The following NEMF variants were observed in gnomAD, a reference collection of about 807,000 sequenced individuals.
The protein encoded by NEMF is ribosome quality control complex subunit NEMF.
NEMF carries 89 observed loss-of-function variants against 162.2 expected under a neutral mutation model. The ratio of observed to expected loss-of-function variants is 0.55; its 90% confidence interval spans 0.46 to 0.65. NEMF has a LOEUF of 0.65. NEMF is among the 30% of genes least tolerant of loss of function. The pLI is 0.00. For missense variants in NEMF, 1,133 were observed against 1,261.9 expected (o/e 0.90, Z 1.55); for synonymous variants, 421 against 404.5 (o/e 1.04, Z -0.49).
intron 4 of NEMF, among the ~76,000 whole-genome samples, chr14:49,845,531 T>C (rs1165045159): frequency 6.6e-6 from 1 of 152,266 alleles, no homozygotes; most frequent in African/African-American, 2.4e-5. Context: ...TTTTTGACTC[T>C]TGTAATAACA....
In NEMF at chr14:49,851,870, A is replaced by T; in HGVS notation, c.65T>A (p.Leu22Gln). 1 of 1,572,476 alleles carries T rather than the reference A, an allele frequency of 6.4e-7. No individual in the cohort carries two copies. The highest frequency in any genetic ancestry group is 8.7e-7 in the Non-Finnish European group (1 of 1,152,914). Residue 22 changes from leucine to glutamine, a missense_variant, in exon 2 of 33, where the codon CTA becomes CAA. Physicochemically the swap from Leu to Gln is moderately radical, Grantham distance 113 (BLOSUM62 -2). This residue lies in a region of NEMF where 582 missense variants were observed against 631.5 expected (regional missense o/e 0.92). Coordinates refer to ENST00000298310, the MANE Select transcript of NEMF (RefSeq NM_004713.6). ...AVLAELNASL[L>Q]GMRVNNVYDV... The stretch of plus-strand genomic sequence containing the variant: ...ATAAACATTGTTTACTCTCATTCCT[A>T]GCAAGCTGCAAAGATAAAGGAAACA...
At position 49,800,863 on chromosome 14, in the gene NEMF, TGTATCATGAATA is replaced by T. The variant is rs1890921976; in HGVS notation, c.2096-179_2096-168del. 3 of 620,902 alleles carry T rather than the reference TGTATCATGAATA, an allele frequency of 4.8e-6. No individual in the cohort carries two copies. The South Asian group carries it at 6.2e-5, about 13-fold the overall frequency. The allele number at this position is 620,902 out of a possible 1,614,324, so 38.5% of individuals were successfully genotyped here. On this transcript the variant is annotated intron_variant, in intron 22 of 32. Transcript: ENST00000298310. ...GGTACTCTTAGACAAAAGAATAACC[TGTATCATGAATA>T]GGTTGAACTAAATGATCTCCAAGAT...
rs572907976 is a variant in NEMF, at chr14:49,843,477, G to C, written c.358-2611C>G. 8.6e-4 allele frequency among the ~76,000 whole-genome samples: 131 copies of C among 152,226 alleles called. 1 individual carries two copies. The highest frequency in any genetic ancestry group is 3.0e-3 in the African/African-American group (126 of 41,526). The stretch of plus-strand genomic sequence containing the variant: ...CCACTGAATTCCAGCCTGGCCAACA[G>C]AGCAAGACTCTATCTCAAAAAAATA... On this transcript the variant is annotated intron_variant, in intron 4 of 32. Coordinates refer to ENST00000298310, the MANE Select transcript of NEMF (RefSeq NM_004713.6).
chr14:49,842,002 G>T (rs887387235), intron 4 of NEMF, among the ~76,000 whole-genome samples: 5 of 152,076 alleles, frequency 3.3e-5, no homozygotes, highest in African/African-American at 1.2e-4. Context: ...CTACTCAGGA[G>T]GCTGAGGCAG....
At chr14:49,842,104 T>C (rs1305709357) in intron 4 of NEMF, among the ~76,000 whole-genome samples, 2 of 140,662 alleles carry the variant, frequency 1.4e-5, no homozygotes, top group Non-Finnish European at 3.1e-5. Context: ...AAACTCCGTC[T>C]CAAAAAAAAA....
intron 7 of NEMF, 159 bp downstream of exon 7, chr14:49,834,204 C>T: frequency 1.6e-6 from 1 of 608,072 alleles, no homozygotes; most frequent in Non-Finnish European, 3.0e-6. Context: ...GATCCTCCCA[C>T]CTTAGCCTCC....
intron 25 of NEMF, chr14:49,797,389 T>TA (rs1373459742): frequency 6.6e-6 from 1 of 151,010 alleles, no homozygotes; most frequent in Admixed American, 6.6e-5. Flanking sequence ...TCCAGCACTT[T>TA]GGGAGGCCAA....
rs754305762 is a variant in NEMF, at chr14:49,782,634, T to G, written c.*2002A>C. On this transcript the variant is annotated 3_prime_UTR_variant, in exon 33 of 33. Transcript: ENST00000298310. ...ACTTGGCACTTAGATTATTTAAAAT[T>G]GTGTTTCCTAAGACTTAGCACTCTC... The G allele has an allele frequency of 2.0e-6, 3 of 1,533,728 alleles. No homozygotes were observed. Among genetic ancestry groups the G allele is most frequent in the Non-Finnish European group, 2.7e-6 (3 of 1,123,766 alleles).
At chr14:49,832,340 T>C in intron 8 of NEMF, 63 bp from the exon 9 acceptor site, 1 of 1,229,356 alleles carries the variant, frequency 8.1e-7, no homozygotes, top group Admixed American at 2.0e-5. Context: ...CTTCTTTTTT[T>C]TTTTTTTGAT....
Position 49,789,554 on chromosome 14 carries a change from T to C in NEMF, c.2639A>G (p.Lys880Arg). The C allele has an allele frequency of 1.2e-6, 2 of 1,609,908 alleles. No homozygotes were observed. The highest frequency in any genetic ancestry group is 1.7e-6 in the Non-Finnish European group (2 of 1,179,102). Residue 880 changes from lysine to arginine, a missense_variant, in exon 27 of 33, where the codon AAA becomes AGA. Lys to Arg is a conservative substitution (Grantham distance 26). Transcript: ENST00000298310. ...RGQKSKMKKM[K>R]EKYKDQDEED... ...TTCATCCTGGTCTTTGTATTTTTCT[T>C]TCATTTTTTTCATTTTACTCTACAA...
intron 6 of NEMF, among the ~76,000 whole-genome samples, chr14:49,836,774 A>C (rs535182683): frequency 6.6e-6 from 1 of 152,360 alleles, no homozygotes; most frequent in African/African-American, 2.4e-5. Context: ...TTGAGATTTC[A>C]GATTTTTTCA....
intron 22 of NEMF, 110 bp downstream of exon 22, chr14:49,802,342 GT>G (rs1258467361): frequency 4.7e-6 from 6 of 1,264,940 alleles, no homozygotes; most frequent in Non-Finnish European, 6.5e-6. Flanking sequence ...GGTTTTCGGG[GT>G]TTTTTTGAAA....
In NEMF at chr14:49,784,963, C is replaced by T; in HGVS notation, c.3115G>A (p.Ala1039Thr). 1.9e-6 allele frequency: 3 copies of T among 1,613,838 alleles called. No individual in the cohort carries two copies. Among genetic ancestry groups the T allele is most frequent in the East Asian group, 4.5e-5 (2 of 44,844 alleles). ...ALNSFMHSKEATAREKDLFRS... is the reference protein window; with the variant it reads ...ALNSFMHSKETTAREKDLFRS... ...AATAAGTCTTTTTCTCTTGCTGTTGCTTCTTTGGAATGCATGAAACTATTC... is the reference window on the plus strand; with the variant it reads ...AATAAGTCTTTTTCTCTTGCTGTTGTTTCTTTGGAATGCATGAAACTATTC... The change falls in exon 32 of 33, where the codon GCA becomes ACA. Residue 1039 changes from alanine (A) to threonine (T), a missense_variant. Around this residue, in one of 3 missense-constraint regions of NEMF, gnomAD observed 532 missense variants for 578.6 expected, o/e 0.92. Coordinates refer to ENST00000298310, the MANE Select transcript of NEMF (RefSeq NM_004713.6).
chr14:49,829,341 CAT>C lies in NEMF; in HGVS notation c.1023+6_1023+7del, dbSNP rs1156372462. The C allele has an allele frequency of 1.2e-6, 2 of 1,614,034 alleles. No individual in the cohort carries two copies. The highest frequency in any genetic ancestry group is 1.7e-6 in the Non-Finnish European group (2 of 1,179,924). ...TTGAAAAAGCACTGAGAAAGCCAAA[CAT>C]AATACCTGAGCCTGCTGAAGAGCTT... On this transcript the variant is annotated splice_donor_region_variant and intron_variant, in intron 12 of 32. Transcript: ENST00000298310.
intron 4 of NEMF, among the ~76,000 whole-genome samples, chr14:49,844,234 C>A (rs1051866735): frequency 4.6e-5 from 7 of 152,106 alleles, no homozygotes; most frequent in Admixed American, 3.9e-4. Context: ...AACTGTTCCA[C>A]CTCAGATCAT....
intron 17 of NEMF, 81 bp from the exon 18 acceptor site, chr14:49,814,131 G>A (rs987988681): frequency 4.4e-5 from 37 of 838,716 alleles, no homozygotes; most frequent in African/African-American, 3.7e-4. Context: ...ATGGAGTCTC[G>A]CTCTGTCGCC....
intron 10 of NEMF, 85 bp from the exon 11 acceptor site, chr14:49,831,446 CTT>C: frequency 1.6e-6 from 1 of 640,666 alleles, no homozygotes; most frequent in Non-Finnish European, 2.5e-6. Context: ...TTTTTTTTTT[CTT>C]TTTTTTTGAG....
rs1243639775 is a variant in NEMF, at chr14:49,835,527, G to C, written c.575-1078C>G. On this transcript the variant is annotated intron_variant, in intron 6 of 32. Coordinates refer to ENST00000298310, the MANE Select transcript of NEMF (RefSeq NM_004713.6). Reference sequence around the variant, plus strand: ...AGAGGGAGCATTCTCAACCTTATAAGGACACCTATGAAAAACCTACAGCTA... The same window carrying C: ...AGAGGGAGCATTCTCAACCTTATAACGACACCTATGAAAAACCTACAGCTA... Among the ~76,000 whole-genome samples, 7 of 152,064 alleles carry C rather than the reference G, an allele frequency of 4.6e-5. No individual in the cohort carries two copies. The South Asian group carries it at 1.2e-3, about 27-fold the overall frequency.
intron 15 of NEMF, 109 bp from the exon 16 acceptor site, chr14:49,826,064 C>G (rs2139953305): frequency 1.6e-6 from 1 of 636,246 alleles, no homozygotes; most frequent in African/African-American, 1.8e-5. Flanking sequence ...ATGGCACAAT[C>G]TACACACACA....
Sources: gnomAD v4.1 joint callset for allele counts (sites outside exome capture counted in the v4.1 genomes callset) on GRCh38, gnomAD v4.1.1 for gene constraint, gnomAD v4.1.1 regional missense constraint, MANE v1.5 for transcripts, NCBI Gene and HGNC (gene_info 2026-07-23, HGNC 2026-07-21) for gene names.